The following LRR1 variants were observed in gnomAD, a reference collection of about 807,000 sequenced individuals.
LRR1 encodes the protein leucine rich repeat protein 1.
Under a neutral mutation model 31.6 loss-of-function variants are expected in LRR1, and 29 were observed. The ratio of observed to expected loss-of-function variants is 0.92; its 90% CI spans 0.68 to 1.25. The LOEUF (loss-of-function observed/expected upper bound fraction) is 1.25. Among genes scored for constraint, LRR1 ranks in the 50% most tolerant of loss-of-function variants. The pLI, the probability that LRR1 is intolerant of heterozygous loss-of-function variation, is 0.00. For synonymous variants in LRR1, 179 were observed against 181.4 expected (o/e 0.99, Z 0.10); for missense variants, 485 against 487.2 (o/e 1.00, Z 0.04).
intron 3 of LRR1, among the ~76,000 whole-genome samples, chr14:49,608,811 TAG>T (rs1348783389): frequency 6.6e-6 from 1 of 151,762 alleles, no homozygotes; most frequent in Non-Finnish European, 1.5e-5. Context: ...ACTCTAAAAT[TAG>T]AGAGTTCGCA....
intron 1 of LRR1, chr14:49,599,904 G>T (rs973617040): frequency 2.5e-5 from 23 of 919,164 alleles, no homozygotes; most frequent in East Asian, 3.5e-5. Flanking sequence ...GGCGACGGCG[G>T]CGGACCCTCC....
intron 2 of LRR1, among the ~76,000 whole-genome samples, chr14:49,604,820 T>C (rs537080790): frequency 6.6e-6 from 1 of 151,440 alleles, no homozygotes; most frequent in East Asian, 1.9e-4. Context: ...TGGTGGTTTT[T>C]TTCTGCCTTC....
chr14:49,606,020 C>CTTTTTTTT (rs57012174), intron 2 of LRR1, among the ~76,000 whole-genome samples: 2 of 144,124 alleles, frequency 1.4e-5, no homozygotes, highest in Non-Finnish European at 1.5e-5. Context: ...CAAAAATTAG[C>CTTTTTTTT]TTTTTTTTTT....
At chr14:49,614,147 C>A in intron 3 of LRR1, 109 bp from the exon 4 acceptor site, 1 of 1,090,708 alleles carries the variant, frequency 9.2e-7, no homozygotes, top group Non-Finnish European at 1.3e-6. Context: ...TTTAAATATA[C>A]TAATCGCTTA....
intron 3 of LRR1, among the ~76,000 whole-genome samples, chr14:49,608,566 A>G (rs1055813029): frequency 2.7e-5 from 4 of 150,704 alleles, no homozygotes; most frequent in East Asian, 1.9e-4. Context: ...ATTCTCCACT[A>G]TTTCCCTAGG....
At position 49,607,651 on chromosome 14, in the gene LRR1, C is replaced by G; in HGVS notation, c.534C>G (p.Ser178Arg). 6.2e-7 allele frequency: 1 copy of G among 1,613,970 alleles called. No individual in the cohort carries two copies. ...ATATGCGTATGCTTTGCTTAAAAAG[C>G]CTTAGGAAATTAGACTTGAGTCACA... ...RVDMRMLCLK[S>R]LRKLDLSHNH... is the part of the protein sequence containing the mutation. The change falls in exon 3 of 4, where the codon AGC becomes AGG. Residue 178 changes from serine to arginine, a missense_variant. Coordinates refer to ENST00000298288, the MANE Select transcript of LRR1 (RefSeq NM_152329.4).
chr14:49,599,051 A>G lies in LRR1; in HGVS notation c.31A>G (p.Ser11Gly). MKLHCEVEVI[S>G]RHLPALGLRN... ...GCTACACTGTGAGGTGGAGGTGATC[A>G]GCCGGCACTTGCCCGCCTTGGGGCT... Residue 11 changes from serine (S) to glycine (G), a missense_variant, in exon 1 of 4, where the codon AGC becomes GGC. This residue lies in a region of LRR1 where 260 missense variants were observed against 249.6 expected (regional missense o/e 1.04). Coordinates refer to ENST00000298288, the MANE Select transcript of LRR1 (RefSeq NM_152329.4). 1 of 1,609,746 alleles carries G rather than the reference A, an allele frequency of 6.2e-7. No homozygotes were observed. The highest frequency in any genetic ancestry group is 8.5e-7 in the Non-Finnish European group (1 of 1,178,190).
rs1882621435 is a variant in LRR1 at position 49,614,359 on chromosome 14, G to A, written c.1108G>A (p.Gly370Arg). Reference sequence around the variant, plus strand: ...ATTCTGTCTGAACTCTTTCATTCAAGGAACTACTACCATGAATCTGCATTC... The same window carrying A: ...ATTCTGTCTGAACTCTTTCATTCAAAGAACTACTACCATGAATCTGCATTC... ...GRFCLNSFIQ[G>R]TTTMNLHSVA... The change falls in exon 4 of 4, where the codon GGA becomes AGA. Residue 370 changes from glycine (G) to arginine (R), a missense_variant. Transcript: ENST00000298288. 1 of 1,613,938 alleles carries A rather than the reference G, an allele frequency of 6.2e-7. No homozygotes were observed. Among genetic ancestry groups the A allele is most frequent in the Non-Finnish European group, 8.5e-7 (1 of 1,179,958 alleles).
chr14:49,601,485 AGAT>A, intron 1 of LRR1: 1 of 593,382 alleles, frequency 1.7e-6, no homozygotes, highest in Non-Finnish European at 2.8e-6. Flanking sequence ...CCATTTATAT[AGAT>A]GATAATCATT....
chr14:49,601,198 A>G, intron 1 of LRR1: 7 of 1,514,964 alleles, frequency 4.6e-6, no homozygotes, highest in Non-Finnish European at 6.2e-6. Flanking sequence ...AAATATTTCT[A>G]TATTAAAGCT....
At chr14:49,613,929 C>T (rs1438900242) in intron 3 of LRR1, among the ~76,000 whole-genome samples, 2 of 152,190 alleles carry the variant, frequency 1.3e-5, no homozygotes, top group African/African-American at 4.8e-5. Flanking sequence ...AAGTAAAACT[C>T]ATGTCCCAAG....
chr14:49,603,705 T>TAA, intron 2 of LRR1: 2 of 801,508 alleles, frequency 2.5e-6, no homozygotes, highest in Non-Finnish European at 2.9e-6. Context: ...TTTTTTTTTT[T>TAA]TTTAATGAGA....
rs775703750 is a variant in LRR1, at chr14:49,601,483, A to G, written c.184-887A>G. The G allele has an allele frequency of 6.1e-5, 36 of 586,216 alleles. 1 individual carries two copies. The highest frequency in any genetic ancestry group is 4.8e-4 in the South Asian group (32 of 66,746). 36.3% of individuals were successfully genotyped at this position (586,216 alleles called of 1,614,324 possible). On this transcript the variant is annotated intron_variant, in intron 1 of 3. Transcript: ENST00000298288. ...TTTAAATTTTAAATATGCCATTTAT[A>G]TAGATGATAATCATTAAATTTTTTT...
rs1012627927 is a variant in LRR1, at chr14:49,599,293, C to T, written c.183+90C>T. The T allele has an allele frequency of 7.8e-6, 11 of 1,417,002 alleles. No individual in the cohort carries two copies. In the Admixed American group the frequency reaches 2.7e-4, roughly 35 times the overall value. 87.8% of individuals were successfully genotyped at this position (1,417,002 alleles called of 1,614,324 possible). A position where few individuals can be genotyped will look rare whatever the true frequency, so the allele number is the denominator to read the frequency against. On this transcript the variant is annotated intron_variant, in intron 1 of 3. Coordinates refer to ENST00000298288, the MANE Select transcript of LRR1 (RefSeq NM_152329.4). ...CTCGGTCCTCATGCTCCCGGCTGCTCCCTAGGCGAAAGCCCGCCTTGGGGG... is the reference window on the plus strand; with the variant it reads ...CTCGGTCCTCATGCTCCCGGCTGCTTCCTAGGCGAAAGCCCGCCTTGGGGG...
rs1566493069 is a variant in LRR1 at position 49,603,710 on chromosome 14, A to ATTTT, written c.282+1243_282+1244insTTTT. 1.7e-3 allele frequency: 232 copies of ATTTT among 132,722 alleles called. 56 individuals carry two copies. The highest frequency in any genetic ancestry group is 5.4e-3 in the African/African-American group (71 of 13,076). 8.2% of individuals were successfully genotyped at this position (132,722 alleles called of 1,614,324 possible). A position where few individuals can be genotyped will look rare whatever the true frequency, so the allele number is the denominator to read the frequency against. ...TTTTTTTTTTTTTTTTTTTTTTTTA[A>ATTTT]TGAGACAGAGTCTCTCCCTGTCACC... On this transcript the variant is annotated intron_variant, in intron 2 of 3. Transcript: ENST00000298288.
intron 3 of LRR1, among the ~76,000 whole-genome samples, chr14:49,610,342 C>T (rs1447277376): frequency 1.3e-5 from 2 of 151,252 alleles, no homozygotes; most frequent in African/African-American, 2.4e-5. Context: ...GCTGGAGTGC[C>T]TCCTGGGTTC....
chr14:49,611,759 C>G (rs1882519796), intron 3 of LRR1, among the ~76,000 whole-genome samples: 1 of 152,050 alleles, frequency 6.6e-6, no homozygotes, highest in South Asian at 2.1e-4. Flanking sequence ...CCTGTCTCCA[C>G]TAAAAATACA....
chr14:49,605,554 A>G (rs918318429), intron 2 of LRR1, among the ~76,000 whole-genome samples: 6 of 152,230 alleles, frequency 3.9e-5, no homozygotes, highest in African/African-American at 1.4e-4. Context: ...TGCACTCTGT[A>G]GAATTTGACA....
rs751778746 is a variant in LRR1, at chr14:49,607,894, T to C, written c.777T>C (p.Asn259=). Residue 259 remains asparagine, a synonymous_variant, in exon 3 of 4, where the codon AAT becomes AAC. Coordinates refer to ENST00000298288, the MANE Select transcript of LRR1 (RefSeq NM_152329.4). ...TTAAGAATTTAAAACTTGACGATAA[T>C]GAATTGATTCAATTTCCTTGCAAGA... The part of the protein sequence containing the change: ...QELKNLKLDD[N]ELIQFPCKIG... The C allele has an allele frequency of 1.2e-6, 2 of 1,613,158 alleles. No individual in the cohort carries two copies. The highest frequency in any genetic ancestry group is 2.2e-5 in the South Asian group (2 of 91,054).
Sources: allele counts gnomAD v4.1 joint callset (sites outside exome capture counted in the v4.1 genomes callset), GRCh38; gene constraint gnomAD v4.1.1; regional missense constraint gnomAD v4.1.1; transcripts MANE v1.5; gene names NCBI Gene and HGNC (gene_info 2026-07-23, HGNC 2026-07-21).